Variants in TRIO observed in about 807,000 individuals in gnomAD.
TRIO encodes the protein trio Rho guanine nucleotide exchange factor.
A neutral mutation model predicts 351.9 loss-of-function variants in TRIO; 58 were observed. That is an observed-to-expected ratio of 0.16 (90% CI 0.13 to 0.21). The LOEUF (loss-of-function observed/expected upper bound fraction) is 0.21, where lower values mean the gene tolerates loss of function less well. Ranked by LOEUF, TRIO falls within the 10% of genes least tolerant of loss-of-function variation. The pLI, the probability that TRIO is intolerant of heterozygous loss-of-function variation, is 1.00. For synonymous variants in TRIO, 1,758 were observed against 1,595.7 expected (o/e 1.10, Z -2.42); for missense variants, 3,201 against 4,027.8 (o/e 0.79, Z 5.56).
At chr5:14,400,573 TA>T (rs1236576526) in intron 30 of TRIO, among the ~76,000 whole-genome samples, 1 of 152,198 alleles carries the variant, frequency 6.6e-6, no homozygotes, top group Non-Finnish European at 1.5e-5. Context: ...GCTGTGTCAT[TA>T]ATACTGAAGA....
At chr5:14,270,473 A>G (rs960072966) in intron 1 of TRIO, among the ~76,000 whole-genome samples, 2 of 152,210 alleles carry the variant, frequency 1.3e-5, no homozygotes, top group African/African-American at 4.8e-5. Flanking sequence ...TCTTTGTACC[A>G]GCAAAGATTT....
chr5:14,207,460 C>G (rs55993704), intron 1 of TRIO, among the ~76,000 whole-genome samples: 7 of 41,176 alleles, frequency 1.7e-4, no homozygotes, highest in Non-Finnish European at 2.7e-4. Context: ...AAGACTGTCT[C>G]TCTACACACA....
intron 1 of TRIO, among the ~76,000 whole-genome samples, chr5:14,175,895 A>G (rs1316355905): frequency 2.0e-5 from 3 of 152,270 alleles, no homozygotes; most frequent in Non-Finnish European, 2.9e-5. Flanking sequence ...GTCATGTTAC[A>G]GTAAAAGTAT....
chr5:14,390,332 A>G (rs897428770), intron 26 of TRIO, 32 bp downstream of exon 26: 1 of 1,605,204 alleles, frequency 6.2e-7, no homozygotes, highest in Non-Finnish European at 8.5e-7. Flanking sequence ...GTTCTCTCCC[A>G]GCTATTAGGT....
chr5:14,311,012 C>T (rs891485206), intron 8 of TRIO, among the ~76,000 whole-genome samples: 12 of 152,200 alleles, frequency 7.9e-5, no homozygotes, highest in Admixed American at 6.5e-5. Flanking sequence ...TTGTATAAAG[C>T]CTCATTAAAG....
chr5:14,330,421 G>A (rs895324365), intron 9 of TRIO, among the ~76,000 whole-genome samples: 3 of 152,216 alleles, frequency 2.0e-5, no homozygotes, highest in African/African-American at 7.2e-5. Flanking sequence ...TTGGCCCTGT[G>A]TGACTTCCTA....
chr5:14,483,735 C>T (rs983130990), intron 46 of TRIO, among the ~76,000 whole-genome samples: 32 of 152,268 alleles, frequency 2.1e-4, no homozygotes, highest in African/African-American at 6.7e-4. Context: ...GGCTGGGCTG[C>T]GGGCCCTCGC....
chr5:14,381,079 C>A (rs182751740), intron 20 of TRIO, 51 bp from the exon 21 acceptor site: 1 of 1,566,782 alleles, frequency 6.4e-7, no homozygotes, highest in Admixed American at 2.0e-5. Flanking sequence ...GCTTTGGGCT[C>A]CTCTCAGGAA....
intron 11 of TRIO, among the ~76,000 whole-genome samples, chr5:14,344,221 C>CATTAGA (rs1249856341): frequency 6.6e-6 from 1 of 151,496 alleles, no homozygotes; most frequent in Non-Finnish European, 1.5e-5. Context: ...TGTGACTGAG[C>CATTAGA]ATTAGATTTG....
intron 34 of TRIO, among the ~76,000 whole-genome samples, chr5:14,424,192 C>G (rs1316303747): frequency 6.6e-6 from 1 of 152,070 alleles, no homozygotes; most frequent in Non-Finnish European, 1.5e-5. Context: ...CAGGGTCTTG[C>G]CAGCTCTGAC....
chr5:14,276,116 A>T (rs1265939481), intron 2 of TRIO, among the ~76,000 whole-genome samples: 1 of 150,074 alleles, frequency 6.7e-6, no homozygotes, highest in African/African-American at 2.5e-5. Context: ...CAAGTTGGGG[A>T]TATTGACAGG....
At chr5:14,498,391 G>C (rs908691639) in intron 52 of TRIO, 128 bp from the exon 53 acceptor site, 28 of 1,508,842 alleles carry the variant, frequency 1.9e-5, no homozygotes, top group Non-Finnish European at 2.5e-5. Flanking sequence ...CCCATTTCAC[G>C]CCTGGGTGTA....
chr5:14,162,881 A>T (rs1228906523), intron 1 of TRIO, among the ~76,000 whole-genome samples: 1 of 152,060 alleles, frequency 6.6e-6, no homozygotes, highest in African/African-American at 2.4e-5. Context: ...ATCTTGGCTC[A>T]CTGCAGCCTC....
chr5:14,276,410 T>C (rs779705071), intron 2 of TRIO, among the ~76,000 whole-genome samples: 1 of 152,246 alleles, frequency 6.6e-6, no homozygotes, highest in Non-Finnish European at 1.5e-5. Context: ...GCCTAGAAGG[T>C]GCAGGGCTGG....
At chr5:14,361,441 G>C (rs1245473953) in intron 13 of TRIO, among the ~76,000 whole-genome samples, 1 of 152,130 alleles carries the variant, frequency 6.6e-6, no homozygotes, top group Non-Finnish European at 1.5e-5. Context: ...TTCAGATATG[G>C]TTCAGAAGCT....
chr5:14,205,746 A>G (rs1337829211), intron 1 of TRIO, among the ~76,000 whole-genome samples: 2 of 152,188 alleles, frequency 1.3e-5, no homozygotes, highest in African/African-American at 4.8e-5. Flanking sequence ...TTATTTATTT[A>G]TTTAGAGACA....
intron 1 of TRIO, among the ~76,000 whole-genome samples, chr5:14,239,696 T>C (rs187915971): frequency 1.3e-5 from 2 of 152,306 alleles, no homozygotes; most frequent in African/African-American, 4.8e-5. Flanking sequence ...CCCACATTCT[T>C]TCCACTATTG....
At chr5:14,303,241 G>A (rs1738065627) in intron 7 of TRIO, among the ~76,000 whole-genome samples, 2 of 144,846 alleles carry the variant, frequency 1.4e-5, no homozygotes, top group Admixed American at 1.4e-4. Flanking sequence ...GCCGGGATTG[G>A]GATGGCTGCC....
intron 1 of TRIO, among the ~76,000 whole-genome samples, chr5:14,218,150 G>C (rs1310238984): frequency 1.3e-5 from 2 of 152,110 alleles, no homozygotes; most frequent in Non-Finnish European, 2.9e-5. Flanking sequence ...CAGCACAAGG[G>C]CATGTTTTCA....
Sources: allele counts gnomAD v4.1 joint callset (sites outside exome capture counted in the v4.1 genomes callset), GRCh38; gene constraint gnomAD v4.1.1; transcripts MANE v1.5; gene names NCBI Gene and HGNC (gene_info 2026-07-23, HGNC 2026-07-21).